The following NXPH2 variants were observed in gnomAD, a reference collection of about 807,000 sequenced individuals.
The protein encoded by NXPH2 is neurexophilin 2.
NXPH2 carries 5 observed loss-of-function variants against 19.8 expected under a neutral mutation model. The observed-to-expected ratio is 0.25, with a 90% CI of 0.13 to 0.53. NXPH2 has a LOEUF of 0.53. Ranked by LOEUF, NXPH2 falls within the 20% of genes least tolerant of loss-of-function variation. NXPH2 has a pLI of 0.96. For synonymous variants in NXPH2, 154 were observed against 127.4 expected (o/e 1.21, Z -1.41); for missense variants, 289 against 322.8 (o/e 0.90, Z 0.80).
intron 1 of NXPH2, among the ~76,000 whole-genome samples, chr2:138,768,463 G>A (rs1682126217): frequency 6.6e-6 from 1 of 152,176 alleles, no homozygotes; most frequent in South Asian, 2.1e-4. Flanking sequence ...CCCTTCTCAA[G>A]CTAAGGCGTA....
Position 138,780,203 on chromosome 2 carries a change from G to A in NXPH2, c.39C>T (p.Gly13=), listed in dbSNP as rs1300312317. ...GCCGGGCACTCACCAGCTGCAGCAA[G>A]CCAGGGACCACCACGAGGGGCAGCG... The part of the protein sequence containing the change: ...LRPLPLVVVP[G]LLQLLFCDSK... The change falls in exon 1 of 2, where the codon GGC becomes GGT. Residue 13 remains glycine, a synonymous_variant. Transcript: ENST00000272641. 6.7e-7 allele frequency: 1 copy of A among 1,485,258 alleles called. No homozygotes were observed. Among genetic ancestry groups the A allele is most frequent in the African/African-American group, 1.5e-5 (1 of 68,302 alleles). The allele number at this position is 1,485,258 out of a possible 1,614,324, so 92.0% of individuals were successfully genotyped here. A position where few individuals can be genotyped will look rare whatever the true frequency, so the allele number is the denominator to read the frequency against.
Position 138,729,778 on chromosome 2 carries a change from C to T in NXPH2, c.51+50413G>A, listed in dbSNP as rs149329675. Among the ~76,000 whole-genome samples the T allele has an allele frequency of 2.7e-3, 409 of 152,308 alleles. 4 individuals are homozygous for T. The highest frequency in any genetic ancestry group is 9.3e-3 in the African/African-American group (385 of 41,574). ...CTTCCAACATGCTGCAGCTTTCAAA[C>T]ATGACCCTGTATCTTTTGACACTCC... On this transcript the variant is annotated intron_variant, in intron 1 of 1. Transcript: ENST00000272641.
chr2:138,749,965 GC>G (rs1190219811), intron 1 of NXPH2, among the ~76,000 whole-genome samples: 1 of 152,060 alleles, frequency 6.6e-6, no homozygotes, highest in Non-Finnish European at 1.5e-5. Flanking sequence ...GGAACCCAGG[GC>G]CACAGGTGTC....
At chr2:138,729,607 A>G (rs1170359734) in intron 1 of NXPH2, among the ~76,000 whole-genome samples, 3 of 152,150 alleles carry the variant, frequency 2.0e-5, no homozygotes, top group Non-Finnish European at 2.9e-5. Flanking sequence ...CACAATCTGA[A>G]TTTTTTGCTA....
intron 1 of NXPH2, among the ~76,000 whole-genome samples, chr2:138,732,076 G>A (rs1030844091): frequency 1.3e-5 from 2 of 152,162 alleles, no homozygotes; most frequent in African/African-American, 2.4e-5. Context: ...ACATGGCAAC[G>A]CAGGTTAAGG....
intron 1 of NXPH2, among the ~76,000 whole-genome samples, chr2:138,747,350 T>A (rs1008288156): frequency 6.6e-6 from 1 of 152,066 alleles, no homozygotes; most frequent in Admixed American, 6.6e-5. Flanking sequence ...GATATTAGGA[T>A]AAGAAGTCAG....
At chr2:138,673,440 TA>T (rs1212609657) in intron 1 of NXPH2, among the ~76,000 whole-genome samples, 3 of 152,176 alleles carry the variant, frequency 2.0e-5, no homozygotes, top group African/African-American at 7.2e-5. Flanking sequence ...GATACATGCA[TA>T]AAATGTGTAA....
intron 1 of NXPH2, among the ~76,000 whole-genome samples, chr2:138,763,320 A>G (rs531032923): frequency 4.6e-5 from 7 of 152,274 alleles, no homozygotes; most frequent in Admixed American, 2.0e-4. Flanking sequence ...TCTTATTTTC[A>G]TATTTTTCTA....
intron 1 of NXPH2, among the ~76,000 whole-genome samples, chr2:138,683,227 G>T (rs1680603234): frequency 6.6e-6 from 1 of 152,132 alleles, no homozygotes; most frequent in Non-Finnish European, 1.5e-5. Context: ...GACTCAGCAT[G>T]GCAAGTGGCA....
At chr2:138,728,062 TTGCCTTCAATGTGACTG>T in intron 1 of NXPH2, among the ~76,000 whole-genome samples, 1 of 152,180 alleles carries the variant, frequency 6.6e-6, no homozygotes, top group Non-Finnish European at 1.5e-5. Context: ...ATTGAAGCCC[TTGCCTTCAATGTGACTG>T]TGTTTGAAGA....
chr2:138,707,817 A>G (rs72869496), intron 1 of NXPH2, among the ~76,000 whole-genome samples: 8,754 of 152,252 alleles, frequency 0.057, 299 homozygotes, highest in African/African-American at 0.065. Flanking sequence ...GATTTGGCCC[A>G]TCATTCTAGC....
At position 138,700,592 on chromosome 2, in the gene NXPH2, G is replaced by A. The variant is rs145394517; in HGVS notation, c.52-28927C>T. ...TTAAGGCCTCCTGTCTGTGATTGAT[G>A]AGAATTTGTTATGGCTCTTTAGGCC... On this transcript the variant is annotated intron_variant, in intron 1 of 1. Coordinates refer to ENST00000272641, the MANE Select transcript of NXPH2 (RefSeq NM_007226.3). Among the ~76,000 whole-genome samples the A allele has an allele frequency of 8.0e-3, 1,222 of 152,192 alleles. 20 individuals carry two copies. Among genetic ancestry groups the A allele is most frequent in the African/African-American group, 0.027 (1,118 of 41,542 alleles).
chr2:138,757,002 T>C (rs974796584), intron 1 of NXPH2, among the ~76,000 whole-genome samples: 3 of 152,174 alleles, frequency 2.0e-5, no homozygotes, highest in Non-Finnish European at 4.4e-5. Context: ...ATCTATACAA[T>C]CTGAAGTAGT....
chr2:138,681,049 C>T (rs2104969324), intron 1 of NXPH2, among the ~76,000 whole-genome samples: 1 of 152,328 alleles, frequency 6.6e-6, no homozygotes, highest in African/African-American at 2.4e-5. Context: ...TTTCACCTTT[C>T]TACCTCCAAA....
At chr2:138,769,983 T>A (rs1682151590) in intron 1 of NXPH2, among the ~76,000 whole-genome samples, 1 of 152,210 alleles carries the variant, frequency 6.6e-6, no homozygotes, top group South Asian at 2.1e-4. Flanking sequence ...TATATAATTT[T>A]ATGTGAAACA....
intron 1 of NXPH2, among the ~76,000 whole-genome samples, chr2:138,713,973 CAA>C (rs202017615): frequency 1.4e-5 from 2 of 142,462 alleles, no homozygotes; most frequent in Non-Finnish European, 1.5e-5. Context: ...AACAAAAAAG[CAA>C]AAAAAAAAAA....
intron 1 of NXPH2, among the ~76,000 whole-genome samples, chr2:138,748,798 G>A (rs956917428): frequency 2.0e-5 from 3 of 152,066 alleles, no homozygotes; most frequent in African/African-American, 7.2e-5. Flanking sequence ...ATGAATCAGT[G>A]TACAAAGCAG....
At chr2:138,778,377 A>G (rs753520445) in intron 1 of NXPH2, among the ~76,000 whole-genome samples, 25 of 152,224 alleles carry the variant, frequency 1.6e-4, no homozygotes, top group South Asian at 4.1e-4. Context: ...ATGCTGTAAT[A>G]TTAGAATCTA....
intron 1 of NXPH2, among the ~76,000 whole-genome samples, chr2:138,717,963 C>T (rs1026310632): frequency 2.8e-4 from 42 of 151,856 alleles, no homozygotes; most frequent in African/African-American, 9.9e-4. Flanking sequence ...AGTTATTGAT[C>T]TAGAAGCTCA....
Sources: gnomAD v4.1 joint callset for allele counts (sites outside exome capture counted in the v4.1 genomes callset) on GRCh38, gnomAD v4.1.1 for gene constraint, MANE v1.5 for transcripts, NCBI Gene and HGNC (gene_info 2026-07-23, HGNC 2026-07-21) for gene names.